Variants in REPS2 observed in about 807,000 individuals in gnomAD.
REPS2 encodes the protein ralBP1-associated Eps domain-containing protein 2.
Under a neutral mutation model 53.6 loss-of-function variants are expected in REPS2, and 23 were observed. The ratio of observed to expected loss-of-function variants is 0.43; its 90% confidence interval spans 0.31 to 0.61. The LOEUF (loss-of-function observed/expected upper bound fraction) is 0.61. Among genes scored for constraint, REPS2 ranks in the 20% least tolerant of loss-of-function variants. REPS2 has a pLI of 0.11. For missense variants in REPS2, 446 were observed against 534.9 expected, an observed-to-expected ratio of 0.83 and a Z score of 1.64; for synonymous variants, 238 against 218.6, an observed-to-expected ratio of 1.09 and a Z score of -0.78.
At chrX:17,146,443 T>A (rs1051661070) in intron 17 of REPS2, among the ~76,000 whole-genome samples, 3 of 111,807 alleles carry the variant, frequency 2.7e-5, no homozygotes, top group African/African-American at 9.7e-5. Context: ...CCCAGGGCAC[T>A]CTCTCTCCTT....
chrX:17,040,274 G>T lies in REPS2; in HGVS notation c.772-7073G>T, dbSNP rs192960461. On this transcript the variant is annotated intron_variant, in intron 5 of 17. Coordinates refer to ENST00000357277, the MANE Select transcript of REPS2 (RefSeq NM_004726.3). ...TCTGACTTCAGAGGTAAGGGAGAGG[G>T]CTCAGCCTTTATAGTGTTGGATGAC... Among the ~76,000 whole-genome samples the T allele has an allele frequency of 2.7e-5, 3 of 112,560 alleles. No homozygotes were observed. In the Admixed American group the frequency reaches 2.8e-4, roughly 11 times the overall value.
intron 2 of REPS2, among the ~76,000 whole-genome samples, chrX:17,016,862 A>T (rs1364012931): frequency 9.2e-6 from 1 of 108,845 alleles, no homozygotes; most frequent in Admixed American, 9.9e-5. Context: ...TACACCCAAG[A>T]TAAATAAATT....
chrX:17,165,753 G>A, the REPS2 span, among the ~76,000 whole-genome samples: 2 of 110,966 alleles, frequency 1.8e-5, no homozygotes, highest in Non-Finnish European at 3.8e-5. Context: ...ATGAAGGGAG[G>A]AGAGGTTGGG....
At chrX:17,008,338 T>C (rs1168240461) in intron 2 of REPS2, among the ~76,000 whole-genome samples, 2 of 112,582 alleles carry the variant, frequency 1.8e-5, no homozygotes, top group African/African-American at 6.5e-5. Context: ...TTTGACACTT[T>C]TGTTACTTAT....
intron 2 of REPS2, among the ~76,000 whole-genome samples, chrX:17,011,291 A>G (rs904588762): frequency 7.2e-5 from 8 of 111,706 alleles, no homozygotes; most frequent in Non-Finnish European, 1.3e-4. Flanking sequence ...CAGATGGCAA[A>G]ACAGCTAGGG....
chrX:17,154,473 T>G (rs2148195118), downstream of REPS2, among the ~76,000 whole-genome samples: 1 of 111,847 alleles, frequency 8.9e-6, no homozygotes. Context: ...GGTGCTATGT[T>G]GTATAAGGGT....
At chrX:17,189,008 A>C in the REPS2 span, among the ~76,000 whole-genome samples, 2 of 112,384 alleles carry the variant, frequency 1.8e-5, no homozygotes, top group Non-Finnish European at 3.8e-5. Flanking sequence ...CCCAAGGTCA[A>C]ACAGCTAGTA....
At chrX:17,081,523 A>T (rs1290969959) in intron 13 of REPS2, among the ~76,000 whole-genome samples, 2 of 112,871 alleles carry the variant, frequency 1.8e-5, no homozygotes, top group East Asian at 5.6e-4. Flanking sequence ...CAAAGGGCTG[A>T]TTTAGAATGT....
In REPS2 at chrX:16,981,247, T is replaced by C. The variant is rs751048957; in HGVS notation, c.274-24974T>C. Among the ~76,000 whole-genome samples the C allele has an allele frequency of 7.2e-5, 8 of 111,825 alleles. No individual in the cohort carries two copies. In the East Asian group the frequency reaches 1.1e-3, roughly 16 times the overall value. The stretch of plus-strand genomic sequence containing the variant: ...TGGGAACTTGGATGCCTGATGGGAA[T>C]TGTAACCCCATGCTTTGCCTTATCC... On this transcript the variant is annotated intron_variant, in intron 1 of 17. Transcript: ENST00000357277.
chrX:17,059,268 C>T (rs1210410202), intron 8 of REPS2, among the ~76,000 whole-genome samples: 5 of 105,951 alleles, frequency 4.7e-5, no homozygotes, highest in South Asian at 8.4e-4. Context: ...CCTCGGCCTC[C>T]GAAAGTGCTG....
At chrX:16,970,209 T>C (rs1276490295) in intron 1 of REPS2, among the ~76,000 whole-genome samples, 8 of 110,075 alleles carry the variant, frequency 7.3e-5, no homozygotes, top group Non-Finnish European at 7.6e-5. Context: ...TTTTTTTTTT[T>C]TTTTTAAGAC....
At chrX:16,989,701 A>T (rs1384250498) in intron 1 of REPS2, among the ~76,000 whole-genome samples, 1 of 112,635 alleles carries the variant, frequency 8.9e-6, no homozygotes, top group Non-Finnish European at 1.9e-5. Context: ...ATAATTAGCC[A>T]CTAGGGAAAT....
At chrX:17,100,478 G>C (rs907570302) in intron 13 of REPS2, among the ~76,000 whole-genome samples, 6 of 112,208 alleles carry the variant, frequency 5.3e-5, no homozygotes, top group Non-Finnish European at 1.1e-4. Flanking sequence ...TGTACCGCAG[G>C]CCTCGGCTAA....
chrX:17,005,548 A>T (rs994604186), intron 1 of REPS2, among the ~76,000 whole-genome samples: 4 of 111,330 alleles, frequency 3.6e-5, no homozygotes, highest in African/African-American at 1.3e-4. Flanking sequence ...TGGATAGAGT[A>T]CTCTGAGAAT....
chrX:17,110,613 A>T (rs950085553), intron 14 of REPS2, among the ~76,000 whole-genome samples: 1 of 109,215 alleles, frequency 9.2e-6, no homozygotes, highest in Non-Finnish European at 1.9e-5. Flanking sequence ...AATCTCTTGA[A>T]CCTGCAAGGC....
At chrX:17,119,868 CTTTTTTT>C (rs35141257) in intron 14 of REPS2, among the ~76,000 whole-genome samples, 1 of 40,516 alleles carries the variant, frequency 2.5e-5, no homozygotes, top group Non-Finnish European at 3.9e-5. Context: ...CGCACTGTGA[CTTTTTTT>C]TTTTTTTTTT....
intron 1 of REPS2, among the ~76,000 whole-genome samples, chrX:16,998,994 A>G (rs2061266180): frequency 8.9e-6 from 1 of 112,317 alleles, no homozygotes; most frequent in Non-Finnish European, 1.9e-5. Context: ...TCAACTTTTA[A>G]ACTTGGAGGT....
At position 17,149,205 on chromosome X, in the gene REPS2, GT is replaced by G. The variant is rs766064225; in HGVS notation, c.*1727del. On this transcript the variant is annotated 3_prime_UTR_variant, in exon 18 of 18. Transcript: ENST00000357277. ...TTTGTGGGGGAAGGGTTGGGAGTAAGTTTAAACTCTTCCGAAGATTATGAAT... is the reference window on the plus strand; with the variant it reads ...TTTGTGGGGGAAGGGTTGGGAGTAAGTTAAACTCTTCCGAAGATTATGAAT... 33 of 227,553 alleles carry G rather than the reference GT, an allele frequency of 1.5e-4. No individual in the cohort carries two copies. Among genetic ancestry groups the G allele is most frequent in the Non-Finnish European group, 2.4e-4 (30 of 123,112 alleles). The allele number at this position is 227,553 out of a possible 1,213,427, so 18.8% of individuals were successfully genotyped here.
intron 2 of REPS2, among the ~76,000 whole-genome samples, chrX:17,018,244 T>C (rs2061525965): frequency 9.8e-6 from 1 of 102,189 alleles, no homozygotes; most frequent in Non-Finnish European, 2.0e-5. Context: ...TTGAGTGCAG[T>C]GACGTGATCA....
Sources: allele counts gnomAD v4.1 joint callset (sites outside exome capture counted in the v4.1 genomes callset), GRCh38; gene constraint gnomAD v4.1.1; transcripts MANE v1.5; gene names NCBI Gene and HGNC (gene_info 2026-07-23, HGNC 2026-07-21).